ILRUN: variants seen among roughly 807,000 people sequenced by gnomAD.
ILRUN encodes inflammation and lipid regulator with UBA-like and NBR1-like domains, also known as protein ILRUN.
In ILRUN, 3 loss-of-function variants were observed where a neutral mutation model predicts 33.8. The ratio of observed to expected loss-of-function variants is 0.09; its 90% CI spans 0.04 to 0.23. The LOEUF is 0.23. Ranked by LOEUF, ILRUN falls within the 10% of genes least tolerant of loss-of-function variation. ILRUN has a pLI of 1.00. For synonymous variants in ILRUN, 124 were observed against 138.9 expected, an observed-to-expected ratio of 0.89 and a Z score of 0.75; for missense variants, 210 against 375.1, an observed-to-expected ratio of 0.56 and a Z score of 3.64.
chr6:34,662,073 C>T (rs1217330148), intron 1 of ILRUN, among the ~76,000 whole-genome samples: 3 of 135,638 alleles, frequency 2.2e-5, no homozygotes, highest in South Asian at 2.4e-4. Flanking sequence ...TGCAGTGAGC[C>T]GAGATCGTGC....
chr6:34,651,815 TG>T (rs1554186803), intron 2 of ILRUN, among the ~76,000 whole-genome samples: 1 of 136,306 alleles, frequency 7.3e-6, no homozygotes, highest in Non-Finnish European at 1.5e-5. Flanking sequence ...TTTTTTGAGA[TG>T]GAGTCTGGCT....
chr6:34,671,305 G>A (rs1006993261), intron 1 of ILRUN, among the ~76,000 whole-genome samples: 6 of 152,180 alleles, frequency 3.9e-5, no homozygotes, highest in African/African-American at 1.2e-4. Context: ...GGTATCAACT[G>A]AGTCTGGGAG....
intron 3 of ILRUN, among the ~76,000 whole-genome samples, chr6:34,610,090 G>A (rs1198164440): frequency 6.6e-6 from 1 of 151,836 alleles, no homozygotes; most frequent in Non-Finnish European, 1.5e-5. Flanking sequence ...GAACCCGGGA[G>A]GCAGAGCTTG....
At chr6:34,664,880 C>A (rs1762961717) in intron 1 of ILRUN, among the ~76,000 whole-genome samples, 2 of 152,266 alleles carry the variant, frequency 1.3e-5, no homozygotes, top group South Asian at 4.1e-4. Flanking sequence ...TGTTACCAAA[C>A]AGGGAACTTA....
At chr6:34,670,637 G>A (rs906095550) in intron 1 of ILRUN, among the ~76,000 whole-genome samples, 5 of 151,760 alleles carry the variant, frequency 3.3e-5, no homozygotes, top group Admixed American at 2.0e-4. Flanking sequence ...GCTCACTTGA[G>A]GTCAGGAGTT....
At chr6:34,672,475 A>G (rs917596561) in intron 1 of ILRUN, among the ~76,000 whole-genome samples, 1 of 152,008 alleles carries the variant, frequency 6.6e-6, no homozygotes, top group African/African-American at 2.4e-5. Context: ...GCATTTTGGG[A>G]GGCTGAGGTG....
At chr6:34,639,395 G>A (rs750346889) in intron 3 of ILRUN, among the ~76,000 whole-genome samples, 1 of 152,160 alleles carries the variant, frequency 6.6e-6, no homozygotes, top group East Asian at 1.9e-4. Flanking sequence ...AGAGGAAACC[G>A]TCATGGTACA....
chr6:34,605,876 GAACCACCT>G (rs1367677709), intron 4 of ILRUN, among the ~76,000 whole-genome samples: 1 of 152,106 alleles, frequency 6.6e-6, no homozygotes, highest in Non-Finnish European at 1.5e-5. Context: ...TCCACCACTT[GAACCACCT>G]ACAACAATGA....
intron 1 of ILRUN, among the ~76,000 whole-genome samples, chr6:34,681,663 G>C (rs1441651506): frequency 6.6e-6 from 1 of 151,718 alleles, no homozygotes; most frequent in Non-Finnish European, 1.5e-5. Flanking sequence ...TTGCATTTTG[G>C]GTTTCTTGTT....
chr6:34,600,581 A>T (rs1761488374), intron 4 of ILRUN, among the ~76,000 whole-genome samples: 1 of 152,180 alleles, frequency 6.6e-6, no homozygotes, highest in Non-Finnish European at 1.5e-5. Context: ...TGTGTGTGTG[A>T]CATCAAAAAG....
intron 4 of ILRUN, among the ~76,000 whole-genome samples, chr6:34,601,906 G>A (rs1451660656): frequency 1.3e-5 from 2 of 152,132 alleles, no homozygotes; most frequent in African/African-American, 2.4e-5. Context: ...GGTGGGGGAA[G>A]AGAATAAGCA....
intron 2 of ILRUN, among the ~76,000 whole-genome samples, chr6:34,650,411 ATT>A (rs1762639564): frequency 4.6e-3 from 144 of 31,600 alleles, no homozygotes; most frequent in African/African-American, 0.017. Flanking sequence ...ATTTATTTTT[ATT>A]TATTTATTTA....
chr6:34,606,753 T>C lies in ILRUN; in HGVS notation c.663A>G (p.Gln221=), dbSNP rs780156128. 7 of 1,614,058 alleles carry C rather than the reference T, an allele frequency of 4.3e-6. No homozygotes were observed. In the African/African-American group the frequency reaches 5.3e-5, roughly 12 times the overall value. Residue 221 remains glutamine (Q), a synonymous_variant, in exon 4 of 5, where the codon CAA becomes CAG. Coordinates refer to ENST00000374023, the MANE Select transcript of ILRUN (RefSeq NM_024294.4). ...GGTCTTTTAAGTTGTTTTCATCTGA[T>C]TGTCGGTTCTTTTGGGGAGAGGCAA... ...NPFASPQKNR[Q]SDENNLKDPG...
chr6:34,686,193 T>C (rs1407801227), intron 1 of ILRUN, among the ~76,000 whole-genome samples: 1 of 152,126 alleles, frequency 6.6e-6, no homozygotes, highest in Admixed American at 6.6e-5. Flanking sequence ...GGATTTCATA[T>C]CCAGAATATA....
chr6:34,597,609 G>A (rs1484227826), intron 4 of ILRUN, among the ~76,000 whole-genome samples: 1 of 152,146 alleles, frequency 6.6e-6, no homozygotes, highest in Non-Finnish European at 1.5e-5. Flanking sequence ...TTGCATAATG[G>A]CTAGTGGATT....
At chr6:34,619,487 C>G (rs967863736) in intron 3 of ILRUN, among the ~76,000 whole-genome samples, 5 of 152,028 alleles carry the variant, frequency 3.3e-5, no homozygotes, top group Admixed American at 1.3e-4. Flanking sequence ...TCTTGAGTAG[C>G]TGGGACTACA....
intron 3 of ILRUN, among the ~76,000 whole-genome samples, chr6:34,610,627 T>C (rs1399673031): frequency 6.6e-6 from 1 of 152,188 alleles, no homozygotes; most frequent in Non-Finnish European, 1.5e-5. Context: ...ATAATGCAAA[T>C]ATTCAAAAAT....
rs543481661 is a variant in ILRUN at position 34,601,969 on chromosome 6, T to C, written c.861+4586A>G. Among the ~76,000 whole-genome samples, 12 of 152,280 alleles carry C rather than the reference T, an allele frequency of 7.9e-5. No individual in the cohort carries two copies. The South Asian group carries it at 1.7e-3, about 21-fold the overall frequency. ...GCGAGCAGATGGCACTTGGCAGGGA[T>C]GGCTCTGGAGGAGCGGGATGAACCT... On this transcript the variant is annotated intron_variant, in intron 4 of 4. Transcript: ENST00000374023.
At chr6:34,657,358 C>T (rs1384021761) in intron 1 of ILRUN, among the ~76,000 whole-genome samples, 1 of 152,164 alleles carries the variant, frequency 6.6e-6, no homozygotes, top group Non-Finnish European at 1.5e-5. Context: ...CAGGATAGGA[C>T]TTTAAGACCA....
Sources: allele counts gnomAD v4.1 joint callset (sites outside exome capture counted in the v4.1 genomes callset), GRCh38; gene constraint gnomAD v4.1.1; transcripts MANE v1.5; gene names NCBI Gene and HGNC (gene_info 2026-07-23, HGNC 2026-07-21).